OSBPL10: variants seen among roughly 807,000 people sequenced by gnomAD.
The protein encoded by OSBPL10 is oxysterol binding protein like 10, also known as oxysterol-binding protein-related protein 10.
OSBPL10 carries 49 observed loss-of-function variants against 81.7 expected under a neutral mutation model. That is an observed-to-expected ratio of 0.60 (90% CI 0.48 to 0.76). OSBPL10 has a LOEUF of 0.76. Among genes scored for constraint, OSBPL10 ranks in the 30% least tolerant of loss-of-function variants. The pLI is 0.00. For synonymous variants in OSBPL10, 419 were observed against 383.6 expected, an observed-to-expected ratio of 1.09 and a Z score of -1.08; for missense variants, 923 against 987.8, an observed-to-expected ratio of 0.93 and a Z score of 0.88.
chr3:31,771,408 G>A (rs2125747430), intron 4 of OSBPL10, among the ~76,000 whole-genome samples: 1 of 152,032 alleles, frequency 6.6e-6, no homozygotes, highest in African/African-American at 2.4e-5. Context: ...TGCAAAGGCT[G>A]GAATGTCACA....
intron 2 of OSBPL10, among the ~76,000 whole-genome samples, chr3:32,039,340 AAATT>A (rs1273723953): frequency 2.7e-5 from 4 of 149,756 alleles, no homozygotes; most frequent in Non-Finnish European, 5.9e-5. Context: ...ATAAATAAAT[AAATT>A]AATTAATTAG....
chr3:32,003,155 A>T (rs1699168074), intron 2 of OSBPL10, among the ~76,000 whole-genome samples: 1 of 152,200 alleles, frequency 6.6e-6, no homozygotes, highest in South Asian at 2.1e-4. Context: ...ATTGAAGGCA[A>T]ATCAACGGAA....
chr3:31,874,935 C>T (rs1701414301), intron 3 of OSBPL10, among the ~76,000 whole-genome samples: 2 of 151,864 alleles, frequency 1.3e-5, no homozygotes, highest in Non-Finnish European at 2.9e-5. Context: ...GTGACAACAA[C>T]AATAAGGAAA....
chr3:31,696,862 C>G (rs1445093030), intron 7 of OSBPL10, among the ~76,000 whole-genome samples: 1 of 152,222 alleles, frequency 6.6e-6, no homozygotes, highest in Non-Finnish European at 1.5e-5. Context: ...ATCCAAATGC[C>G]TACATGTCCT....
intron 2 of OSBPL10, among the ~76,000 whole-genome samples, chr3:31,987,901 C>G (rs2125517569): frequency 6.6e-6 from 1 of 152,234 alleles, no homozygotes; most frequent in South Asian, 2.1e-4. Flanking sequence ...CAGGGGAAAA[C>G]ATAGGAAAAA....
At chr3:31,762,630 A>ATGTTTTTTTTTTTT in intron 4 of OSBPL10, among the ~76,000 whole-genome samples, 1 of 61,514 alleles carries the variant, frequency 1.6e-5, no homozygotes, top group South Asian at 7.8e-4. Context: ...CATGCCCAGC[A>ATGTTTTTTTTTTTT]TTTTTTTTTT....
In OSBPL10 at chr3:32,061,033, CA is replaced by C. The variant is rs1343408744; in HGVS notation, n.186-14431del. On this transcript the variant is annotated intron_variant and non_coding_transcript_variant, in intron 1 of 3. Coordinates refer to the OSBPL10 transcript ENST00000479173. The stretch of plus-strand genomic sequence containing the variant: ...CTCCTGCTCTGTCCCTCGACACAAT[CA>C]CCCCTCTTCAGTTCCTCAAACAAGC... Among the ~76,000 whole-genome samples the C allele has an allele frequency of 5.7e-5, 5 of 87,826 alleles. 1 individual carries two copies. The highest frequency in any genetic ancestry group is 1.4e-4 in the African/African-American group (5 of 34,506). The allele number at this position is 87,826 out of a possible 152,430, so 57.6% of individuals were successfully genotyped here. A position where few individuals can be genotyped will look rare whatever the true frequency, so the allele number is the denominator to read the frequency against.
chr3:32,020,267 A>T (rs1699349142), intron 2 of OSBPL10, among the ~76,000 whole-genome samples: 1 of 152,088 alleles, frequency 6.6e-6, no homozygotes, highest in Non-Finnish European at 1.5e-5. Flanking sequence ...CAATTTTAGA[A>T]CCCTGCCCAA....
chr3:31,740,792 A>AAAAGAAAG (rs1246425540), intron 5 of OSBPL10, among the ~76,000 whole-genome samples: 1 of 148,450 alleles, frequency 6.7e-6, no homozygotes, highest in African/African-American at 2.6e-5. Flanking sequence ...AAAAAAGAAA[A>AAAAGAAAG]AAAGAAAGAA....
intron 3 of OSBPL10, among the ~76,000 whole-genome samples, chr3:31,872,820 C>T (rs916342729): frequency 2.6e-5 from 4 of 151,998 alleles, no homozygotes; most frequent in African/African-American, 7.3e-5. Flanking sequence ...GACAGGGTTT[C>T]GCCATGTTGC....
At chr3:31,934,150 G>C (rs953943872) in intron 1 of OSBPL10, among the ~76,000 whole-genome samples, 1 of 150,818 alleles carries the variant, frequency 6.6e-6, no homozygotes, top group Admixed American at 6.6e-5. Context: ...TAATTACAAA[G>C]GCTTTTTTGG....
chr3:31,752,353 G>A (rs1486631381), intron 4 of OSBPL10, among the ~76,000 whole-genome samples: 4 of 152,122 alleles, frequency 2.6e-5, no homozygotes, highest in African/African-American at 7.2e-5. Context: ...TAGCTTCCAC[G>A]ATCAAGGCAT....
chr3:31,787,316 A>C (rs1698883393), intron 4 of OSBPL10, among the ~76,000 whole-genome samples: 1 of 152,192 alleles, frequency 6.6e-6, no homozygotes. Flanking sequence ...AAGACATGAT[A>C]GGCTGGGCAT....
chr3:31,813,846 C>G (rs1338576092), intron 4 of OSBPL10, among the ~76,000 whole-genome samples: 1 of 152,150 alleles, frequency 6.6e-6, no homozygotes, highest in Non-Finnish European at 1.5e-5. Context: ...GGGGCAGATT[C>G]AGGGCAACAT....
chr3:32,058,396 C>CGA (rs146164670), intron 1 of OSBPL10, among the ~76,000 whole-genome samples: 40 of 152,168 alleles, frequency 2.6e-4, no homozygotes, highest in Non-Finnish European at 5.3e-4. Context: ...GACATGACCT[C>CGA]GGCTCACTGC....
intron 10 of OSBPL10, among the ~76,000 whole-genome samples, chr3:31,666,963 CAAA>C (rs539216948): frequency 1.3e-4 from 20 of 152,102 alleles, no homozygotes; most frequent in African/African-American, 4.6e-4. Flanking sequence ...CATAAACAGA[CAAA>C]AAGAGGTAGC....
At chr3:31,890,730 T>C (rs1695870059) in intron 1 of OSBPL10, among the ~76,000 whole-genome samples, 1 of 152,194 alleles carries the variant, frequency 6.6e-6, no homozygotes, top group Admixed American at 6.5e-5. Flanking sequence ...TTCACAATAT[T>C]GCCTCATTTC....
intron 1 of OSBPL10, among the ~76,000 whole-genome samples, chr3:31,920,882 T>G (rs1316733821): frequency 1.3e-5 from 2 of 152,172 alleles, no homozygotes; most frequent in African/African-American, 4.8e-5. Context: ...CCTTCCACCA[T>G]GATTGGAAGC....
intron 2 of OSBPL10, among the ~76,000 whole-genome samples, chr3:32,029,588 G>T (rs1372728583): frequency 2.0e-5 from 3 of 152,094 alleles, no homozygotes; most frequent in Non-Finnish European, 4.4e-5. Flanking sequence ...TGCAAGTCTC[G>T]CAATCATGAA....
Sources: gnomAD v4.1 joint callset for allele counts (sites outside exome capture counted in the v4.1 genomes callset) on GRCh38, gnomAD v4.1.1 for gene constraint, MANE v1.5 for transcripts, NCBI Gene and HGNC (gene_info 2026-07-23, HGNC 2026-07-21) for gene names.